DAB1: variants seen among roughly 807,000 people sequenced by gnomAD.
DAB1 encodes disabled homolog 1.
DAB1 carries 15 observed loss-of-function variants against 64.6 expected under a neutral mutation model. The ratio of observed to expected loss-of-function variants is 0.23; its 90% CI spans 0.16 to 0.36. DAB1 has a LOEUF of 0.36. Among genes scored for constraint, DAB1 ranks in the 10% least tolerant of loss-of-function variants. The pLI is 1.00. For synonymous variants in DAB1, 235 were observed against 251.9 expected (o/e 0.93, Z 0.64); for missense variants, 596 against 706.7 (o/e 0.84, Z 1.78).
chr1:58,010,827 T>C (rs910145276), intron 5 of DAB1, among the ~76,000 whole-genome samples: 1 of 152,212 alleles, frequency 6.6e-6, no homozygotes, highest in Admixed American at 6.5e-5. Context: ...TTCCACACTC[T>C]CTGGGAAGTA....
chr1:57,844,311 T>C (rs554265402), intron 1 of DAB1, among the ~76,000 whole-genome samples: 1 of 152,350 alleles, frequency 6.6e-6, no homozygotes, highest in South Asian at 2.1e-4. Flanking sequence ...CTTTTTATTA[T>C]CAGTATTTAG....
intron 7 of DAB1, among the ~76,000 whole-genome samples, chr1:57,441,294 CTTT>C (rs1558383814): frequency 7.1e-5 from 4 of 56,186 alleles, no homozygotes; most frequent in South Asian, 9.5e-4. Context: ...TTCTTTCTTT[CTTT>C]CTTTCTTTCT....
rs77400204 is a variant in DAB1 at position 57,187,939 on chromosome 1, C to T, written c.68-42510G>A. On this transcript the variant is annotated intron_variant, in intron 2 of 14. Coordinates refer to ENST00000371236, the MANE Select transcript of DAB1 (RefSeq NM_001365792.1). ...GGAGGAGAGGAGAAAGAGAGACAGACAGACACCCCACAAGGAGAGAGAGGT... is the reference window on the plus strand; with the variant it reads ...GGAGGAGAGGAGAAAGAGAGACAGATAGACACCCCACAAGGAGAGAGAGGT... 0.012 allele frequency among the ~76,000 whole-genome samples: 1,825 copies of T among 152,164 alleles called. 78 individuals carry two copies. In the East Asian group the frequency reaches 0.12, roughly 10 times the overall value.
chr1:57,644,196 C>T lies in DAB1; in HGVS notation n.625+5396G>A, dbSNP rs2101646499. Reference sequence around the variant, plus strand: ...CTTACGGGGTTAATTTCATGAGGAGCCTGATTTGGAAGTTCAAAAGAGGCG... The same window carrying T: ...CTTACGGGGTTAATTTCATGAGGAGTCTGATTTGGAAGTTCAAAAGAGGCG... On this transcript the variant is annotated intron_variant and non_coding_transcript_variant, in intron 7 of 20. Transcript: ENST00000485760. 2.0e-5 allele frequency among the ~76,000 whole-genome samples: 3 copies of T among 152,008 alleles called. No homozygotes were observed. In the Middle Eastern group the frequency reaches 0.01, roughly 517 times the overall value.
At chr1:57,086,018 G>A (rs963616389) in intron 4 of DAB1, among the ~76,000 whole-genome samples, 4 of 152,154 alleles carry the variant, frequency 2.6e-5, no homozygotes, top group Non-Finnish European at 4.4e-5. Context: ...ATAGGCAACT[G>A]CAATCAGTAT....
intron 4 of DAB1, among the ~76,000 whole-genome samples, chr1:57,087,514 G>A (rs569825789): frequency 3.7e-4 from 56 of 152,330 alleles, no homozygotes; most frequent in African/African-American, 1.1e-3. Context: ...GGTTCTAGAC[G>A]TGGGTGTTGA....
At chr1:57,584,717 G>C (rs1645356597) in intron 7 of DAB1, among the ~76,000 whole-genome samples, 1 of 152,148 alleles carries the variant, frequency 6.6e-6, no homozygotes, top group African/African-American at 2.4e-5. Flanking sequence ...ACATTCTCTA[G>C]AGCCTTGTAG....
intron 3 of DAB1, among the ~76,000 whole-genome samples, chr1:58,487,908 C>T (rs1347389841): frequency 6.6e-6 from 1 of 151,452 alleles, no homozygotes; most frequent in African/African-American, 2.4e-5. Flanking sequence ...TACCGTACCT[C>T]TTCTCCTGAT....
chr1:57,364,171 G>A (rs1365019252), intron 1 of DAB1, among the ~76,000 whole-genome samples: 1 of 152,166 alleles, frequency 6.6e-6, no homozygotes, highest in East Asian at 1.9e-4. Flanking sequence ...TATGCCTAGG[G>A]CTGGCATTAA....
At chr1:58,313,757 AT>A (rs773263132) in intron 4 of DAB1, among the ~76,000 whole-genome samples, 69 of 149,856 alleles carry the variant, frequency 4.6e-4, no homozygotes, top group Admixed American at 7.3e-4. Flanking sequence ...TGCCAGTGGG[AT>A]TGGTTCCTGG....
intron 1 of DAB1, among the ~76,000 whole-genome samples, chr1:57,298,636 T>C (rs1203338190): frequency 1.3e-5 from 2 of 151,962 alleles, no homozygotes; most frequent in African/African-American, 4.8e-5. Flanking sequence ...TTACCCCACG[T>C]TATGAAAAAA....
intron 5 of DAB1, among the ~76,000 whole-genome samples, chr1:57,995,217 G>A (rs1646406085): frequency 6.6e-6 from 1 of 152,164 alleles, no homozygotes; most frequent in Non-Finnish European, 1.5e-5. Flanking sequence ...CCTAATATCA[G>A]GTGAGGGTTA....
chr1:58,071,793 G>T (rs1181585499), intron 5 of DAB1, among the ~76,000 whole-genome samples: 1 of 152,106 alleles, frequency 6.6e-6, no homozygotes, highest in African/African-American at 2.4e-5. Context: ...AGGACTGGAA[G>T]GGACCTGAAT....
intron 7 of DAB1, among the ~76,000 whole-genome samples, chr1:57,435,046 CTT>C (rs71580850): frequency 0.17 from 15,469 of 92,250 alleles, 430 homozygotes; most frequent in African/African-American, 0.21. Flanking sequence ...TTCTTTTTTT[CTT>C]TTTTTTTTTT....
At chr1:57,907,557 T>C in intron 5 of DAB1, among the ~76,000 whole-genome samples, 1 of 152,172 alleles carries the variant, frequency 6.6e-6, no homozygotes, top group East Asian at 1.9e-4. Flanking sequence ...GTATATGTAT[T>C]AGCTGTCAAC....
At chr1:58,067,787 T>A (rs532488219) in intron 5 of DAB1, among the ~76,000 whole-genome samples, 3 of 152,204 alleles carry the variant, frequency 2.0e-5, no homozygotes, top group Non-Finnish European at 4.4e-5. Flanking sequence ...CTCAACCAGT[T>A]CATCTGTACA....
intron 7 of DAB1, among the ~76,000 whole-genome samples, chr1:57,632,116 A>G (rs1645997318): frequency 6.6e-6 from 1 of 152,240 alleles, no homozygotes; most frequent in Admixed American, 6.5e-5. Context: ...CCTAAATTGC[A>G]GAACTACTTT....
At chr1:57,334,110 C>T (rs983133370) in intron 1 of DAB1, among the ~76,000 whole-genome samples, 2 of 152,128 alleles carry the variant, frequency 1.3e-5, no homozygotes, top group African/African-American at 2.4e-5. Context: ...AGTCTCAATG[C>T]GTATAAGTGG....
At chr1:58,041,508 G>A (rs942263005) in intron 5 of DAB1, among the ~76,000 whole-genome samples, 2 of 152,162 alleles carry the variant, frequency 1.3e-5, no homozygotes, top group Non-Finnish European at 1.5e-5. Flanking sequence ...TGGCACCTAG[G>A]ATCCTCTCAT....
Sources: allele counts gnomAD v4.1 joint callset (sites outside exome capture counted in the v4.1 genomes callset), GRCh38; gene constraint gnomAD v4.1.1; transcripts MANE v1.5; gene names NCBI Gene and HGNC (gene_info 2026-07-23, HGNC 2026-07-21).